The following KIF3C variants were observed in gnomAD, a reference collection of about 807,000 sequenced individuals.
KIF3C encodes the protein kinesin-like protein KIF3C.
Under a neutral mutation model 67.7 loss-of-function variants are expected in KIF3C, and 12 were observed. The observed-to-expected ratio is 0.18, with a 90% CI of 0.11 to 0.29. The LOEUF is 0.29. KIF3C is among the 10% of genes least tolerant of loss of function. The pLI, the probability that KIF3C is intolerant of heterozygous loss-of-function variation, is 1.00. For synonymous variants in KIF3C, 393 were observed against 426.2 expected (o/e 0.92, Z 0.96); for missense variants, 789 against 1,059.6 (o/e 0.74, Z 3.55).
chr2:25,933,279 AG>A (rs1559547477), intron 5 of KIF3C, among the ~76,000 whole-genome samples: 1 of 151,938 alleles, frequency 6.6e-6, no homozygotes. Context: ...AAAAGGGCAA[AG>A]GATCTCAATA....
chr2:25,928,688 A>G lies in KIF3C; in HGVS notation c.*290T>C. 3.9e-6 allele frequency: 1 copy of G among 259,214 alleles called. No homozygotes were observed. The highest frequency in any genetic ancestry group is 7.4e-6 in the Non-Finnish European group (1 of 134,672). The allele number at this position is 259,214 out of a possible 1,614,324, so 16.1% of individuals were successfully genotyped here. On this transcript the variant is annotated 3_prime_UTR_variant, in exon 8 of 8. Transcript: ENST00000264712. ...GACAAGCCTGAGATCTGACTGGGGG[A>G]GCTCTCAAGTCAGAAGAAAAAGAGG...
rs1663266877 is a variant in KIF3C, at chr2:25,940,851, C to A, written c.2007-10788G>T. Among the ~76,000 whole-genome samples, 5 of 151,810 alleles carry A rather than the reference C, an allele frequency of 3.3e-5. No individual in the cohort carries two copies. In the South Asian group the frequency reaches 6.2e-4, roughly 19 times the overall value. ...TATTTTTAGTAGAGACGGGGTTTCA[C>A]CATGTTGGCCAGGCTGGCCTCAAAC... On this transcript the variant is annotated intron_variant, in intron 5 of 7. Transcript: ENST00000264712.
At position 25,981,298 on chromosome 2, in the gene KIF3C, G is replaced by T; in HGVS notation, c.620C>A (p.Thr207Asn). 4.3e-6 allele frequency: 7 copies of T among 1,614,020 alleles called. No homozygotes were observed. The highest frequency in any genetic ancestry group is 5.9e-6 in the Non-Finnish European group (7 of 1,179,996). ...GCGGGAGCTGACCTCATTCATGTGG[G>T]TGCTGCCCACAGCCCGGGTCTGGTT... ...LGNQTRAVGS[T>N]HMNEVSSRSH... Residue 207 changes from threonine to asparagine, a missense_variant, in exon 1 of 8, where the codon ACC becomes AAC. Transcript: ENST00000264712. This position sits in a 1 kb window ranked among gnomAD's most constrained non-coding sequence, Gnocchi z 8.2.
chr2:25,936,395 A>G (rs1213776010), intron 5 of KIF3C, among the ~76,000 whole-genome samples: 1 of 152,156 alleles, frequency 6.6e-6, no homozygotes, highest in East Asian at 1.9e-4. Context: ...CTAGATATTC[A>G]ACAAAATGTT....
chr2:25,978,069 T>A (rs1032211532), intron 1 of KIF3C, among the ~76,000 whole-genome samples: 4 of 152,106 alleles, frequency 2.6e-5, no homozygotes, highest in African/African-American at 4.8e-5. Context: ...ATTAGGTGAA[T>A]GGAAGCCTGA....
At chr2:25,959,742 C>T (rs890859381) in intron 1 of KIF3C, among the ~76,000 whole-genome samples, 23 of 152,114 alleles carry the variant, frequency 1.5e-4, no homozygotes, top group African/African-American at 5.3e-4. Flanking sequence ...ACCCGGCCAC[C>T]TTGGGCTCTC....
intron 5 of KIF3C, among the ~76,000 whole-genome samples, chr2:25,940,218 T>TAC (rs1421836868): frequency 6.6e-6 from 1 of 152,134 alleles, no homozygotes; most frequent in East Asian, 1.9e-4. Context: ...TCCTGCAAGG[T>TAC]ACATATTGTT....
At position 25,951,919 on chromosome 2, in the gene KIF3C, T is replaced by C. The variant is rs1663625690; in HGVS notation, c.1890-14A>G. On this transcript the variant is annotated splice_polypyrimidine_tract_variant and intron_variant, in intron 4 of 7. Coordinates refer to ENST00000264712, the MANE Select transcript of KIF3C (RefSeq NM_002254.8). Reference sequence around the variant, plus strand: ...ATGATTAGGTACCTGGGAGCAGGAATGAAGGAGTGATGGGAAAATGGGTGA... The same window carrying C: ...ATGATTAGGTACCTGGGAGCAGGAACGAAGGAGTGATGGGAAAATGGGTGA... 1.3e-6 allele frequency: 2 copies of C among 1,567,268 alleles called. No homozygotes were observed. Among genetic ancestry groups the C allele is most frequent in the South Asian group, 1.1e-5 (1 of 90,252 alleles).
chr2:25,954,364 C>T lies in KIF3C; in HGVS notation c.1792G>A (p.Val598Met), dbSNP rs1270547806. 1.2e-6 allele frequency: 2 copies of T among 1,613,880 alleles called. No individual in the cohort carries two copies. The highest frequency in any genetic ancestry group is 3.3e-5 in the Admixed American group (2 of 60,012). ...LKKLYAKLQA[V>M]KAEIQDQHDE... ...TGCTGGTCCTGGATCTCCGCCTTCA[C>T]CGCCTGCAGCTTGGCGTAGAGCTGG... The change falls in exon 4 of 8, where the codon GTG (valine) becomes ATG (methionine). Residue 598 changes from valine (V) to methionine (M), a missense_variant. Around this residue, in one of 2 missense-constraint regions of KIF3C, gnomAD observed 648 missense variants for 807.8 expected, o/e 0.80. Transcript: ENST00000264712.
intron 4 of KIF3C, among the ~76,000 whole-genome samples, chr2:25,953,665 TG>T (rs869139083): frequency 9.9e-6 from 1 of 101,072 alleles, no homozygotes; most frequent in African/African-American, 4.1e-5. Flanking sequence ...CGGCCTTTTT[TG>T]TTTTTGTTTT....
intron 1 of KIF3C, among the ~76,000 whole-genome samples, chr2:25,961,497 G>A (rs1233126324): frequency 6.6e-6 from 1 of 152,140 alleles, no homozygotes; most frequent in Admixed American, 6.6e-5. Flanking sequence ...TTACATTTTG[G>A]GGAAAAGGAA....
rs145477119 is a variant in KIF3C, at chr2:25,934,096, T to C, written c.2007-4033A>G. On this transcript the variant is annotated intron_variant, in intron 5 of 7. Transcript: ENST00000264712. ...TGGACGAACCTTGAAAACATTTTGCTAAGTGGAAGAACTCAGTCGCAACGG... is the reference window on the plus strand; with the variant it reads ...TGGACGAACCTTGAAAACATTTTGCCAAGTGGAAGAACTCAGTCGCAACGG... 1,014 of 469,346 alleles carry C rather than the reference T, an allele frequency of 2.2e-3. 1 individual carries two copies. Among genetic ancestry groups the C allele is most frequent in the Non-Finnish European group, 4.0e-3 (915 of 226,478 alleles). 29.1% of individuals were successfully genotyped at this position (469,346 alleles called of 1,614,324 possible).
Position 25,928,896 on chromosome 2 carries a change from C to T in KIF3C, c.*82G>A. The T allele has an allele frequency of 1.7e-6, 2 of 1,180,134 alleles. No homozygotes were observed. The highest frequency in any genetic ancestry group is 2.5e-6 in the Non-Finnish European group (2 of 806,802). The allele number at this position is 1,180,134 out of a possible 1,614,324, so 73.1% of individuals were successfully genotyped here. A position where few individuals can be genotyped will look rare whatever the true frequency, so the allele number is the denominator to read the frequency against. The stretch of plus-strand genomic sequence containing the variant: ...ACGCACATGCACGCACACGCACACG[C>T]ACCAAGCGGCAGATGAGATGAGCCA... On this transcript the variant is annotated 3_prime_UTR_variant, in exon 8 of 8. Coordinates refer to ENST00000264712, the MANE Select transcript of KIF3C (RefSeq NM_002254.8).
At chr2:25,931,825 G>A (rs1202889910) in intron 5 of KIF3C, among the ~76,000 whole-genome samples, 3 of 151,538 alleles carry the variant, frequency 2.0e-5, no homozygotes, top group Non-Finnish European at 4.4e-5. Flanking sequence ...TTCAGTAGAG[G>A]ACAGGGTTTC....
intron 1 of KIF3C, among the ~76,000 whole-genome samples, chr2:25,977,011 C>T (rs571333624): frequency 9.9e-5 from 15 of 152,154 alleles, no homozygotes; most frequent in African/African-American, 3.6e-4. Flanking sequence ...TTATCAAGCT[C>T]CCACCAGCAT....
At chr2:25,973,223 C>T (rs1211859390) in intron 1 of KIF3C, among the ~76,000 whole-genome samples, 1 of 152,018 alleles carries the variant, frequency 6.6e-6, no homozygotes, top group Non-Finnish European at 1.5e-5. Context: ...GATGGGAGCC[C>T]ATGACTTTAC....
intron 6 of KIF3C, 119 bp from the exon 7 acceptor site, chr2:25,929,596 A>G (rs1366415857): frequency 2.6e-6 from 2 of 768,770 alleles, no homozygotes; most frequent in African/African-American, 1.8e-5. Context: ...AGAGGCTGTG[A>G]GCATCCCCTC....
Position 25,955,717 on chromosome 2 carries a change from C to G in KIF3C, c.1648-54G>C. 1 of 1,601,194 alleles carries G rather than the reference C, an allele frequency of 6.2e-7. No homozygotes were observed. The highest frequency in any genetic ancestry group is 8.5e-7 in the Non-Finnish European group (1 of 1,171,498). ...AAGGAGCAGTGCATACTCGGGAGGG[C>G]CAGGAAAGCTCAGGGGACTGGCTCA... On this transcript the variant is annotated intron_variant, in intron 2 of 7. Coordinates refer to ENST00000264712, the MANE Select transcript of KIF3C (RefSeq NM_002254.8). This position sits in a 1 kb window ranked among gnomAD's most constrained non-coding sequence, Gnocchi z 5.0.
Position 25,952,525 on chromosome 2 carries a change from ATGTGTG to A in KIF3C, c.1890-626_1890-621del, listed in dbSNP as rs35756626. Reference sequence around the variant, plus strand: ...TAGTCAATAACTTAATTGTATATATATGTGTGTGTGTGTGTGTGTGTGTGTATATAT... The same window carrying A: ...TAGTCAATAACTTAATTGTATATATATGTGTGTGTGTGTGTGTGTATATAT... On this transcript the variant is annotated intron_variant, in intron 4 of 7. Transcript: ENST00000264712. 4.0e-3 allele frequency among the ~76,000 whole-genome samples: 571 copies of A among 144,494 alleles called. 1 individual carries two copies. Among genetic ancestry groups the A allele is most frequent in the African/African-American group, 0.013 (509 of 38,894 alleles). 94.8% of individuals were successfully genotyped at this position (144,494 alleles called of 152,430 possible). A position where few individuals can be genotyped will look rare whatever the true frequency, so the allele number is the denominator to read the frequency against.
Sources: allele counts gnomAD v4.1 joint callset (sites outside exome capture counted in the v4.1 genomes callset), GRCh38; gene constraint gnomAD v4.1.1; regional missense constraint gnomAD v4.1.1; non-coding constraint Gnocchi (gnomAD v3.1); transcripts MANE v1.5; gene names NCBI Gene and HGNC (gene_info 2026-07-23, HGNC 2026-07-21).